The following ERBB4 variants were observed in gnomAD, a reference collection of about 807,000 sequenced individuals.
ERBB4 encodes erb-b2 receptor tyrosine kinase 4.
A neutral mutation model predicts 158.0 loss-of-function variants in ERBB4; 42 were observed. That is an observed-to-expected ratio of 0.27 (90% CI 0.21 to 0.34). The LOEUF (loss-of-function observed/expected upper bound fraction) is 0.34. Ranked by LOEUF, ERBB4 falls within the 10% of genes least tolerant of loss-of-function variation. ERBB4 has a pLI of 1.00. For synonymous variants in ERBB4, 583 were observed against 558.7 expected (o/e 1.04, Z -0.61); for missense variants, 1,333 against 1,624.1 (o/e 0.82, Z 3.08).
intron 2 of ERBB4, among the ~76,000 whole-genome samples, chr2:212,103,354 C>A (rs2079136251): frequency 6.6e-6 from 1 of 151,894 alleles, no homozygotes; most frequent in South Asian, 2.1e-4. Context: ...TTAAAATTAT[C>A]TAGTACCTAC....
At chr2:212,066,982 G>A (rs759600867) in intron 2 of ERBB4, among the ~76,000 whole-genome samples, 5 of 151,886 alleles carry the variant, frequency 3.3e-5, no homozygotes, top group African/African-American at 4.8e-5. Flanking sequence ...GAACTGATAA[G>A]AAAGAATTAT....
intron 2 of ERBB4, among the ~76,000 whole-genome samples, chr2:211,950,241 T>C (rs947475838): frequency 9.9e-5 from 15 of 152,094 alleles, no homozygotes; most frequent in African/African-American, 3.4e-4. Flanking sequence ...TGCATACATT[T>C]AGGAAGGAAT....
intron 19 of ERBB4, among the ~76,000 whole-genome samples, chr2:211,570,820 G>T (rs2067703061): frequency 1.3e-5 from 2 of 151,936 alleles, no homozygotes; most frequent in African/African-American, 2.4e-5. Context: ...TTGAGATCCG[G>T]TTTTTCTGCC....
intron 3 of ERBB4, among the ~76,000 whole-genome samples, chr2:211,874,923 C>T (rs948872984): frequency 6.9e-6 from 1 of 145,342 alleles, no homozygotes; most frequent in Non-Finnish European, 1.5e-5. Context: ...TAATGTTTTA[C>T]ACAAAAGGTT....
intron 1 of ERBB4, among the ~76,000 whole-genome samples, chr2:212,451,162 T>C (rs1465377139): frequency 6.6e-6 from 1 of 152,132 alleles, no homozygotes; most frequent in Admixed American, 6.6e-5. Context: ...GAGAAGGCCG[T>C]GAAAATAAAT....
At chr2:211,420,370 A>T in intron 25 of ERBB4, 71 bp downstream of exon 25, 1 of 1,056,518 alleles carries the variant, frequency 9.5e-7, no homozygotes, top group Non-Finnish European at 1.4e-6. Context: ...TTGAAATGTT[A>T]GTGCTTATGA....
intron 1 of ERBB4, among the ~76,000 whole-genome samples, chr2:212,246,423 G>A (rs2084313236): frequency 6.6e-6 from 1 of 152,068 alleles, no homozygotes; most frequent in African/African-American, 2.4e-5. Flanking sequence ...TTTAATAACG[G>A]AAATCAACAT....
In ERBB4 at chr2:212,359,885, A is replaced by G. The variant is rs1042389442; in HGVS notation, c.82+178564T>C. On this transcript the variant is annotated intron_variant, in intron 1 of 27. Transcript: ENST00000342788. Reference sequence around the variant, plus strand: ...TTTTTTCAAGAAAGAATAAGTCATTATTGCTTTTTATTTTTTAAATGTGCC... The same window carrying G: ...TTTTTTCAAGAAAGAATAAGTCATTGTTGCTTTTTATTTTTTAAATGTGCC... Among the ~76,000 whole-genome samples, 18 of 151,674 alleles carry G rather than the reference A, an allele frequency of 1.2e-4. No homozygotes were observed. The Admixed American group carries it at 1.2e-3, about 10-fold the overall frequency.
chr2:212,279,621 T>G (rs1268293439), intron 1 of ERBB4, among the ~76,000 whole-genome samples: 1 of 151,670 alleles, frequency 6.6e-6, no homozygotes, highest in Non-Finnish European at 1.5e-5. Flanking sequence ...CAGATTAATT[T>G]TAAAAGATAG....
chr2:211,768,804 A>G (rs1256303759), intron 4 of ERBB4, among the ~76,000 whole-genome samples: 2 of 148,766 alleles, frequency 1.3e-5, no homozygotes, highest in African/African-American at 4.9e-5. Context: ...TGCCATGAAG[A>G]CCTCTGACAT....
At chr2:211,645,590 T>A (rs1181469105) in intron 16 of ERBB4, among the ~76,000 whole-genome samples, 5 of 151,648 alleles carry the variant, frequency 3.3e-5, no homozygotes, top group Non-Finnish European at 7.4e-5. Flanking sequence ...TATAACATGA[T>A]TAATGGCATC....
chr2:211,717,443 A>C (rs1575041740), intron 7 of ERBB4, among the ~76,000 whole-genome samples: 1 of 152,244 alleles, frequency 6.6e-6, no homozygotes, highest in Non-Finnish European at 1.5e-5. Flanking sequence ...ATATATATAC[A>C]TAAAGAAGTC....
In ERBB4 at chr2:211,685,019, G is replaced by A. The variant is rs556629895; in HGVS notation, c.1490-5835C>T. The stretch of plus-strand genomic sequence containing the variant: ...GTATATTACTGTACAGCAGGCATAA[G>A]AAGATATCGGTTCTGTAACAACTAT... On this transcript the variant is annotated intron_variant, in intron 12 of 27. Transcript: ENST00000342788. Among the ~76,000 whole-genome samples, 5 of 152,298 alleles carry A rather than the reference G, an allele frequency of 3.3e-5. No homozygotes were observed. The South Asian group carries it at 1.0e-3, about 32-fold the overall frequency.
At chr2:212,167,321 A>C (rs2125662478) in intron 1 of ERBB4, among the ~76,000 whole-genome samples, 1 of 152,334 alleles carries the variant, frequency 6.6e-6, no homozygotes, top group South Asian at 2.1e-4. Context: ...TTACGTGGCC[A>C]ACAAACATAT....
intron 3 of ERBB4, among the ~76,000 whole-genome samples, chr2:211,860,114 G>T (rs1024877328): frequency 2.6e-5 from 4 of 152,090 alleles, no homozygotes; most frequent in African/African-American, 7.2e-5. Flanking sequence ...AAGTCTATGT[G>T]AGAAAAGTCA....
At chr2:211,618,377 C>T (rs2069473169) in intron 19 of ERBB4, among the ~76,000 whole-genome samples, 1 of 152,042 alleles carries the variant, frequency 6.6e-6, no homozygotes, top group African/African-American at 2.4e-5. Context: ...AACAGTCACA[C>T]CCATTTGCAT....
chr2:211,425,942 C>T (rs946261178), intron 22 of ERBB4, among the ~76,000 whole-genome samples: 1 of 152,050 alleles, frequency 6.6e-6, no homozygotes, highest in African/African-American at 2.4e-5. Context: ...CATCGGCCTC[C>T]CTAAATGCTA....
intron 2 of ERBB4, among the ~76,000 whole-genome samples, chr2:212,060,743 A>C (rs1414433903): frequency 6.7e-6 from 1 of 149,550 alleles, no homozygotes; most frequent in Non-Finnish European, 1.5e-5. Context: ...TCTCACTCAT[A>C]GATGGGAATT....
chr2:211,395,502 A>C (rs564686182), intron 25 of ERBB4, among the ~76,000 whole-genome samples: 1 of 152,180 alleles, frequency 6.6e-6, no homozygotes, highest in East Asian at 1.9e-4. Context: ...TTTCAGAAAC[A>C]AACCTATTTA....
Sources: gnomAD v4.1 joint callset for allele counts (sites outside exome capture counted in the v4.1 genomes callset) on GRCh38, gnomAD v4.1.1 for gene constraint, MANE v1.5 for transcripts, NCBI Gene and HGNC (gene_info 2026-07-23, HGNC 2026-07-21) for gene names.